Variants in TAMALIN observed in about 807,000 individuals in gnomAD.
The protein encoded by TAMALIN is trafficking regulator and scaffold protein tamalin.
A neutral mutation model predicts 38.5 loss-of-function variants in TAMALIN; 9 were observed. That is an observed-to-expected ratio of 0.23 (90% CI 0.14 to 0.41). The LOEUF (loss-of-function observed/expected upper bound fraction) is 0.41. Ranked by LOEUF, TAMALIN falls within the 10% of genes least tolerant of loss-of-function variation. The pLI, the probability that TAMALIN is intolerant of heterozygous loss-of-function variation, is 1.00. For synonymous variants in TAMALIN, 306 were observed against 256.5 expected (o/e 1.19, Z -1.85); for missense variants, 548 against 554.1 (o/e 0.99, Z 0.11).
intron 1 of TAMALIN, chr12:52,008,235 G>A: frequency 1.0e-6 from 1 of 985,372 alleles, no homozygotes; most frequent in Non-Finnish European, 1.2e-6. Flanking sequence ...CTTTGGGGGA[G>A]GGTTAGCAAA....
chr12:52,012,603 G>A (rs1937677052), intron 4 of TAMALIN, among the ~76,000 whole-genome samples: 1 of 152,232 alleles, frequency 6.6e-6, no homozygotes, highest in South Asian at 2.1e-4. Flanking sequence ...TTACGTTGGG[G>A]ATGAAGCCTC....
chr12:52,013,535 G>T (rs112707231), intron 4 of TAMALIN, 152 bp from the exon 5 acceptor site: 5 of 650,844 alleles, frequency 7.7e-6, no homozygotes, highest in African/African-American at 3.6e-5. Flanking sequence ...TGTCAGAGGA[G>T]ATCTACAGAG....
intron 4 of TAMALIN, 84 bp from the exon 5 acceptor site, chr12:52,013,603 C>A: frequency 8.7e-7 from 1 of 1,151,298 alleles, no homozygotes; most frequent in Non-Finnish European, 1.3e-6. Flanking sequence ...ACTACCCACC[C>A]TTCTCCCCTT....
At chr12:52,013,505 T>G (rs1937709424) in intron 4 of TAMALIN, 182 bp from the exon 5 acceptor site, 2 of 603,906 alleles carry the variant, frequency 3.3e-6, no homozygotes, top group African/African-American at 1.8e-5. Flanking sequence ...GTTCTGTGTG[T>G]TTGGATCGAG....
In TAMALIN at chr12:52,007,911, C is replaced by T; in HGVS notation, c.246+646C>T. On this transcript the variant is annotated intron_variant, in intron 1 of 7. Transcript: ENST00000293662. The surrounding 1 kb of genome is among the most constrained non-coding windows in gnomAD (Gnocchi z 6.7). Reference sequence around the variant, plus strand: ...CGCGGGGCAGGAAGGATGCGGGCCGCGCCCACCTCTGAGTCCCCTCTGCCA... The same window carrying T: ...CGCGGGGCAGGAAGGATGCGGGCCGTGCCCACCTCTGAGTCCCCTCTGCCA... The T allele has an allele frequency of 1.0e-6, 1 of 985,426 alleles. No homozygotes were observed. Among genetic ancestry groups the T allele is most frequent in the Non-Finnish European group, 1.2e-6 (1 of 829,910 alleles). 61.0% of individuals were successfully genotyped at this position (985,426 alleles called of 1,614,324 possible).
In TAMALIN at chr12:52,015,128, T is replaced by C; in HGVS notation, c.1117T>C (p.Phe373Leu). Residue 373 changes from phenylalanine to leucine, a missense_variant, in exon 8 of 8, where the codon TTC becomes CTC. Transcript: ENST00000293662. ...PGLRKTKYRS[F>L]RRRLLKFIPG... ...CCTGCGCAAAACCAAGTACCGCAGC[T>C]TCCGCCGGCGGCTGCTCAAGTTCAT... The C allele has an allele frequency of 6.3e-7, 1 of 1,590,084 alleles. No homozygotes were observed. Among genetic ancestry groups the C allele is most frequent in the Non-Finnish European group, 8.5e-7 (1 of 1,176,410 alleles).
chr12:52,014,582 G>C (rs777675352), intron 7 of TAMALIN, 112 bp from the exon 8 acceptor site: 145 of 804,758 alleles, frequency 1.8e-4, no homozygotes, highest in Non-Finnish European at 2.6e-4. Context: ...CAGGGCCACA[G>C]AGATGGTCAG....
chr12:52,014,229 C>T (rs1288023622), intron 7 of TAMALIN, 28 bp downstream of exon 7: 54 of 1,561,368 alleles, frequency 3.5e-5, no homozygotes, highest in Non-Finnish European at 4.5e-5. Flanking sequence ...TGTGAGGGGC[C>T]ACTTGTTCTG....
Position 52,014,816 on chromosome 12 carries a change from C to T in TAMALIN, c.805C>T (p.Pro269Ser). ...FGPLLAVPGR[P>S]RGGARRARGD... ...GCCTCTGCTCGCCGTGCCCGGGCGT[C>T]CCCGCGGAGGCGCCCGACGGGCCAG... Residue 269 changes from proline (P) to serine (S), a missense_variant, in exon 8 of 8, where the codon CCC becomes TCC. Coordinates refer to ENST00000293662, the MANE Select transcript of TAMALIN (RefSeq NM_181711.4). The T allele has an allele frequency of 1.5e-6, 2 of 1,351,604 alleles. No individual in the cohort carries two copies. The highest frequency in any genetic ancestry group is 1.9e-6 in the Non-Finnish European group (2 of 1,055,434). 83.7% of individuals were successfully genotyped at this position (1,351,604 alleles called of 1,614,324 possible).
chr12:52,007,111 C>A lies in TAMALIN; in HGVS notation c.92C>A (p.Ala31Glu), dbSNP rs1942424625. 1 of 1,482,226 alleles carries A rather than the reference C, an allele frequency of 6.7e-7. No homozygotes were observed. The highest frequency in any genetic ancestry group is 8.9e-7 in the Non-Finnish European group (1 of 1,124,094). The allele number at this position is 1,482,226 out of a possible 1,614,324, so 91.8% of individuals were successfully genotyped here. Residue 31 changes from alanine to glutamate, a missense_variant, in exon 1 of 8, where the codon GCG becomes GAG. Transcript: ENST00000293662. The surrounding 1 kb of genome is among the most constrained non-coding windows in gnomAD (Gnocchi z 6.7). The stretch of plus-strand genomic sequence containing the variant: ...GCCCGGACTCCCGACTCGGAAGTCG[C>A]GCCCGCCGCTCCGGTCCCGACCCCG... Reference protein sequence around the residue: ...PAARTPDSEVAPAAPVPTPGP... With the variant: ...PAARTPDSEVEPAAPVPTPGP...
In TAMALIN at chr12:52,015,247, A is replaced by G. The variant is rs1422303229; in HGVS notation, c.*48A>G. 7.2e-6 allele frequency: 11 copies of G among 1,522,046 alleles called. No homozygotes were observed. Among genetic ancestry groups the G allele is most frequent in the Non-Finnish European group, 9.6e-6 (11 of 1,141,364 alleles). 94.3% of individuals were successfully genotyped at this position (1,522,046 alleles called of 1,614,324 possible). Reference sequence around the variant, plus strand: ...ATTTATTTATTTATTCGCAACAGCCAGCGCTAAAAGAGGGGGAGGCCGAGC... The same window carrying G: ...ATTTATTTATTTATTCGCAACAGCCGGCGCTAAAAGAGGGGGAGGCCGAGC... On this transcript the variant is annotated 3_prime_UTR_variant, in exon 8 of 8. Transcript: ENST00000293662.
At chr12:52,012,360 TCTC>T (rs1337354337) in intron 4 of TAMALIN, among the ~76,000 whole-genome samples, 2 of 152,120 alleles carry the variant, frequency 1.3e-5, no homozygotes, top group Non-Finnish European at 2.9e-5. Context: ...TTCAAGCAAT[TCTC>T]CTGCCTCAGC....
At chr12:52,012,675 A>G (rs1238673052) in intron 4 of TAMALIN, among the ~76,000 whole-genome samples, 2 of 152,206 alleles carry the variant, frequency 1.3e-5, no homozygotes, top group African/African-American at 2.4e-5. Flanking sequence ...GTATACTACA[A>G]CTTCTCAAAG....
Position 52,011,578 on chromosome 12 carries a change from T to C in TAMALIN, c.454+437T>C, listed in dbSNP as rs1461684041. Among the ~76,000 whole-genome samples the C allele has an allele frequency of 6.8e-6, 1 of 146,824 alleles. No individual in the cohort carries two copies. The highest frequency in any genetic ancestry group is 2.5e-5 in the African/African-American group (1 of 39,262). Reference sequence around the variant, plus strand: ...AATGGGCCCAGTGCTGAGGAACCGATGTTACTCCCTTTTAAAAAATTAGAA... The same window carrying C: ...AATGGGCCCAGTGCTGAGGAACCGACGTTACTCCCTTTTAAAAAATTAGAA... On this transcript the variant is annotated intron_variant, in intron 4 of 7. Transcript: ENST00000293662. This position sits in a 1 kb window ranked among gnomAD's most constrained non-coding sequence, Gnocchi z 5.3.
chr12:52,008,522 G>GGA, intron 1 of TAMALIN: 1 of 985,198 alleles, frequency 1.0e-6, no homozygotes, highest in Non-Finnish European at 1.2e-6. Context: ...ATATGGCAAT[G>GGA]GAGAGAGAGA....
Position 52,014,960 on chromosome 12 carries a change from G to T in TAMALIN, c.949G>T (p.Ala317Ser). The T allele has an allele frequency of 3.1e-6, 3 of 975,604 alleles. No individual in the cohort carries two copies. The highest frequency in any genetic ancestry group is 3.7e-6 in the Non-Finnish European group (3 of 821,492). The allele number at this position is 975,604 out of a possible 1,614,324, so 60.4% of individuals were successfully genotyped here. A position where few individuals can be genotyped will look rare whatever the true frequency, so the allele number is the denominator to read the frequency against. ...AFGPGPAETP[A>S]VGPGPGPRAA... Reference sequence around the variant, plus strand: ...CGGCCCGGGCCCCGCCGAGACCCCTGCCGTGGGGCCGGGCCCTGGGCCGCG... The same window carrying T: ...CGGCCCGGGCCCCGCCGAGACCCCTTCCGTGGGGCCGGGCCCTGGGCCGCG... The change falls in exon 8 of 8, where the codon GCC (alanine) becomes TCC (serine). Residue 317 changes from alanine (A) to serine (S), a missense_variant. By Grantham distance (99) the Ala-to-Ser change is moderately conservative. This residue lies in a region of TAMALIN where 415 missense variants were observed against 417.0 expected (regional missense o/e 1.00). Coordinates refer to ENST00000293662, the MANE Select transcript of TAMALIN (RefSeq NM_181711.4).
rs754419641 is a variant in TAMALIN at position 52,014,111 on chromosome 12, TG to T, written c.616-20del. 3.7e-6 allele frequency: 6 copies of T among 1,600,782 alleles called. No homozygotes were observed. In the Admixed American group the frequency reaches 1.0e-4, roughly 28 times the overall value. ...CTAGTTTCCTGCTAGCTTGTGACAG[TG>T]GGGTGGGGACTGTCTCTTGCAGCAA... On this transcript the variant is annotated intron_variant, in intron 6 of 7. Coordinates refer to ENST00000293662, the MANE Select transcript of TAMALIN (RefSeq NM_181711.4).
In TAMALIN at chr12:52,014,704, G is replaced by T; in HGVS notation, c.693G>T (p.Val231=). ...QEQRLVHGLV[V]KDPSIYDTLE... The stretch of plus-strand genomic sequence containing the variant: ...CCCGTCTCTGCGCAGGCCTGGTGGT[G>T]AAGGACCCCAGCATCTACGACACGC... The change falls in exon 8 of 8, where the codon GTG becomes GTT. Residue 231 remains valine, a synonymous_variant. Transcript: ENST00000293662. 6.6e-7 allele frequency: 1 copy of T among 1,504,366 alleles called. No homozygotes were observed. Among genetic ancestry groups the T allele is most frequent in the East Asian group, 2.4e-5 (1 of 40,980 alleles). 93.2% of individuals were successfully genotyped at this position (1,504,366 alleles called of 1,614,324 possible).
At position 52,013,223 on chromosome 12, in the gene TAMALIN, G is replaced by A. The variant is rs978201093; in HGVS notation, c.455-464G>A. Reference sequence around the variant, plus strand: ...CTCCCGAGTAGCTGGGACTACAGGCGCCTGCTACCACGCCCGGCTAATTTT... The same window carrying A: ...CTCCCGAGTAGCTGGGACTACAGGCACCTGCTACCACGCCCGGCTAATTTT... On this transcript the variant is annotated intron_variant, in intron 4 of 7. Coordinates refer to ENST00000293662, the MANE Select transcript of TAMALIN (RefSeq NM_181711.4). Among the ~76,000 whole-genome samples the A allele has an allele frequency of 6.0e-5, 9 of 149,344 alleles. No individual in the cohort carries two copies. The South Asian group carries it at 8.5e-4, about 14-fold the overall frequency.
Sources: gnomAD v4.1 joint callset for allele counts (sites outside exome capture counted in the v4.1 genomes callset) on GRCh38, gnomAD v4.1.1 for gene constraint, gnomAD v4.1.1 regional missense constraint, Gnocchi (gnomAD v3.1) non-coding constraint, MANE v1.5 for transcripts, NCBI Gene and HGNC (gene_info 2026-07-23, HGNC 2026-07-21) for gene names.